Variants in NCOR1 observed in about 807,000 individuals in gnomAD.
The protein encoded by NCOR1 is protein phosphatase 1, regulatory subunit 109.
Under a neutral mutation model 288.1 loss-of-function variants are expected in NCOR1, and 63 were observed. That is an observed-to-expected ratio of 0.22 (90% confidence interval 0.18 to 0.27). NCOR1 has a LOEUF of 0.27. Among genes scored for constraint, NCOR1 ranks in the 10% least tolerant of loss-of-function variants. NCOR1 has a pLI of 1.00. For synonymous variants in NCOR1, 1,007 were observed against 1,065.9 expected, an observed-to-expected ratio of 0.94 and a Z score of 1.08; for missense variants, 2,397 against 3,019.2, an observed-to-expected ratio of 0.79 and a Z score of 4.83.
intron 37 of NCOR1, 51 bp from the exon 38 acceptor site, chr17:16,058,650 G>T: frequency 6.5e-7 from 1 of 1,543,702 alleles, no homozygotes; most frequent in Non-Finnish European, 8.8e-7. Context: ...AAAAGTTTCT[G>T]AAGTCTAAGT....
At chr17:16,046,744 A>T in intron 42 of NCOR1, 1 of 501,596 alleles carries the variant, frequency 2.0e-6, no homozygotes, top group Non-Finnish European at 3.4e-6. Flanking sequence ...GAGAAACGGC[A>T]CAGCTTCAGA....
At chr17:16,198,875 G>C (rs2090328408) in intron 1 of NCOR1, among the ~76,000 whole-genome samples, 1 of 151,902 alleles carries the variant, frequency 6.6e-6, no homozygotes, top group Non-Finnish European at 1.5e-5. Flanking sequence ...AATAAATAAA[G>C]CTATAAATGG....
intron 1 of NCOR1, among the ~76,000 whole-genome samples, chr17:16,213,817 G>A (rs1272587939): frequency 6.6e-6 from 1 of 152,152 alleles, no homozygotes; most frequent in Non-Finnish European, 1.5e-5. Context: ...GTTAGAGCAA[G>A]AATCAAGATA....
At position 16,058,166 on chromosome 17, in the gene NCOR1, T is replaced by A. The variant is rs1351300870; in HGVS notation, c.6011-102A>T. On this transcript the variant is annotated intron_variant, in intron 38 of 45. Transcript: ENST00000268712. The stretch of plus-strand genomic sequence containing the variant: ...CAGAAGAACACCTGAAAGGATGTGG[T>A]ACATAGCTCCAAACAAAGAACTTAT... 2.3e-6 allele frequency: 3 copies of A among 1,298,864 alleles called. No homozygotes were observed. In the Admixed American group the frequency reaches 6.1e-5, roughly 26 times the overall value. The allele number at this position is 1,298,864 out of a possible 1,614,324, so 80.5% of individuals were successfully genotyped here.
At chr17:16,085,805 T>A (rs914383483) in intron 23 of NCOR1, among the ~76,000 whole-genome samples, 1 of 152,232 alleles carries the variant, frequency 6.6e-6, no homozygotes, top group Non-Finnish European at 1.5e-5. Context: ...GTACAGTTAG[T>A]CAAAACTGAT....
chr17:16,060,593 C>T (rs866330323), intron 37 of NCOR1, among the ~76,000 whole-genome samples: 2 of 152,150 alleles, frequency 1.3e-5, no homozygotes, highest in African/African-American at 4.8e-5. Context: ...ATGACGTAAA[C>T]AAATTATAAT....
Position 16,039,491 on chromosome 17 carries a change from G to C in NCOR1, c.6897C>G (p.Thr2299=). The C allele has an allele frequency of 6.2e-7, 1 of 1,614,060 alleles. No individual in the cohort carries two copies. Among genetic ancestry groups the C allele is most frequent in the East Asian group, 2.2e-5 (1 of 44,874 alleles). ...GTGTCTCACCACTGGTCACAACTGA[G>C]GTGTTGGCAGTACCAGGCACTACTC... ...PMGVVPGTAN[T]SVVTSGETRR... Residue 2299 remains threonine (T), a synonymous_variant, in exon 44 of 46, where the codon ACC becomes ACG. Transcript: ENST00000268712.
chr17:16,047,437 A>G (rs8067494), intron 41 of NCOR1, among the ~76,000 whole-genome samples: 7,107 of 152,286 alleles, frequency 0.047, 185 homozygotes, highest in African/African-American at 0.081. Flanking sequence ...AAACACTGAT[A>G]TATTAATGGT....
At position 16,210,973 on chromosome 17, in the gene NCOR1, C is replaced by T. The variant is rs537574360; in HGVS notation, c.-71+4389G>A. 2.0e-5 allele frequency among the ~76,000 whole-genome samples: 3 copies of T among 152,118 alleles called. No homozygotes were observed. In the East Asian group the frequency reaches 5.8e-4, roughly 29 times the overall value. ...GTCTCGATCTCCTGACCTCATGATC[C>T]GCCCACCTCGGCCTCCCAAAGTGCT... On this transcript the variant is annotated intron_variant, in intron 1 of 45. Transcript: ENST00000268712.
chr17:16,107,339 G>A (rs1379967345), intron 19 of NCOR1, among the ~76,000 whole-genome samples: 4 of 152,108 alleles, frequency 2.6e-5, no homozygotes, highest in Non-Finnish European at 5.9e-5. Context: ...AAGGTTAAAT[G>A]AGATTATAAC....
chr17:16,136,059 C>T (rs1470122663), intron 14 of NCOR1, among the ~76,000 whole-genome samples: 1 of 152,208 alleles, frequency 6.6e-6, no homozygotes, highest in East Asian at 1.9e-4. Context: ...CTCTGGTAAG[C>T]ACCTGTGAGC....
intron 4 of NCOR1, among the ~76,000 whole-genome samples, chr17:16,171,066 T>C (rs1159969682): frequency 6.6e-6 from 1 of 152,242 alleles, no homozygotes; most frequent in Admixed American, 6.5e-5. Flanking sequence ...TAAAAATTGC[T>C]ACGAGTGGAT....
chr17:16,081,753 A>G (rs1021856134), intron 23 of NCOR1, among the ~76,000 whole-genome samples: 1 of 152,224 alleles, frequency 6.6e-6, no homozygotes, highest in African/African-American at 2.4e-5. Flanking sequence ...GAGACAGTAG[A>G]TAACAGCCAG....
chr17:16,164,195 C>T (rs1221651361), intron 5 of NCOR1, among the ~76,000 whole-genome samples: 1 of 150,674 alleles, frequency 6.6e-6, no homozygotes, highest in Non-Finnish European at 1.5e-5. Context: ...GAGCCAAGAT[C>T]GCACCACTGC....
chr17:16,143,783 A>G, intron 10 of NCOR1, 87 bp from the exon 11 acceptor site: 6 of 986,840 alleles, frequency 6.1e-6, no homozygotes, highest in Non-Finnish European at 9.0e-6. Flanking sequence ...ACTTTTCTGA[A>G]TGGAACTTTT....
At chr17:16,131,569 A>C (rs2075645372) in intron 14 of NCOR1, among the ~76,000 whole-genome samples, 1 of 152,236 alleles carries the variant, frequency 6.6e-6, no homozygotes, top group Non-Finnish European at 1.5e-5. Flanking sequence ...ATTTAATAAC[A>C]AGCAGCAATT....
intron 37 of NCOR1, among the ~76,000 whole-genome samples, chr17:16,058,965 C>T (rs1382495531): frequency 1.4e-5 from 2 of 142,836 alleles, no homozygotes; most frequent in Non-Finnish European, 1.5e-5. Flanking sequence ...CGGAGAATCG[C>T]TTGAACCCGG....
chr17:16,053,760 A>T (rs2059584859), intron 40 of NCOR1, among the ~76,000 whole-genome samples: 1 of 152,162 alleles, frequency 6.6e-6, no homozygotes, highest in African/African-American at 2.4e-5. Flanking sequence ...AAAAGAACAA[A>T]GCTGTAGGTG....
At chr17:16,047,771 T>C (rs2058836511) in intron 41 of NCOR1, among the ~76,000 whole-genome samples, 1 of 152,166 alleles carries the variant, frequency 6.6e-6, no homozygotes, top group Non-Finnish European at 1.5e-5. Context: ...ACAGAGACTA[T>C]AGGTTATTGA....
Sources: gnomAD v4.1 joint callset for allele counts (sites outside exome capture counted in the v4.1 genomes callset) on GRCh38, gnomAD v4.1.1 for gene constraint, MANE v1.5 for transcripts, NCBI Gene and HGNC (gene_info 2026-07-23, HGNC 2026-07-21) for gene names.